BRCC3: variants seen among roughly 807,000 people sequenced by gnomAD.
BRCC3 encodes BRCA1/BRCA2-containing complex subunit 3, also known as lys-63-specific deubiquitinase BRCC36.
Under a neutral mutation model 28.0 loss-of-function variants are expected in BRCC3, and 15 were observed. The ratio of observed to expected loss-of-function variants is 0.54; its 90% confidence interval spans 0.36 to 0.82. The LOEUF is 0.82. Among genes scored for constraint, BRCC3 ranks in the 40% least tolerant of loss-of-function variants. The pLI, the probability that BRCC3 is intolerant of heterozygous loss-of-function variation, is 0.01. For missense variants in BRCC3, 109 were observed against 225.9 expected (o/e 0.48, Z 3.32); for synonymous variants, 66 against 80.3 (o/e 0.82, Z 0.95).
At chrX:155,107,326 T>A (rs991303914) in intron 7 of BRCC3, among the ~76,000 whole-genome samples, 21 of 110,662 alleles carry the variant, frequency 1.9e-4, no homozygotes, top group Non-Finnish European at 3.6e-4. Context: ...ATTTATTTTT[T>A]TTTTTAAAAG....
At position 155,107,466 on chromosome X, in the gene BRCC3, C is replaced by T. The variant is rs782752224; in HGVS notation, c.549-8591C>T. Reference sequence around the variant, plus strand: ...CAAACCTGCAGCCCTTCATGGTTTGCTTATTTCTCCAGCCATGTTCTCTCT... The same window carrying T: ...CAAACCTGCAGCCCTTCATGGTTTGTTTATTTCTCCAGCCATGTTCTCTCT... On this transcript the variant is annotated intron_variant, in intron 7 of 10. Transcript: ENST00000330045. 3.5e-3 allele frequency among the ~76,000 whole-genome samples: 385 copies of T among 110,378 alleles called. 2 individuals are homozygous for T. The highest frequency in any genetic ancestry group is 5.9e-3 in the Non-Finnish European group (311 of 52,663).
chrX:155,086,437 G>A (rs782001198), intron 5 of BRCC3, among the ~76,000 whole-genome samples: 31 of 111,496 alleles, frequency 2.8e-4, no homozygotes, highest in African/African-American at 8.5e-4. Flanking sequence ...TGCAACCGCC[G>A]TCTCCTGGGC....
intron 1 of BRCC3, 29 bp from the exon 2 acceptor site, chrX:155,072,298 A>G (rs1418721098): frequency 4.2e-6 from 5 of 1,181,022 alleles, no homozygotes; most frequent in Non-Finnish European, 5.8e-6. Context: ...AATGTGATCA[A>G]TAATGTTTTT....
chrX:155,078,571 C>G (rs369870613), intron 4 of BRCC3, 45 bp from the exon 5 acceptor site: 34 of 960,784 alleles, frequency 3.5e-5, no homozygotes, highest in Middle Eastern at 3.1e-4. Flanking sequence ...TTATTAGCAT[C>G]ATAAATTTTG....
At chrX:155,119,879 T>A in intron 9 of BRCC3, 120 bp from the exon 10 acceptor site, 2 of 577,922 alleles carry the variant, frequency 3.5e-6, no homozygotes, top group East Asian at 3.7e-5. Flanking sequence ...TTTTTCTACT[T>A]CCTTCTCCAA....
intron 1 of BRCC3, 59 bp downstream of exon 1, chrX:155,071,709 G>T (rs2124223179): frequency 8.6e-7 from 1 of 1,156,997 alleles, no homozygotes; most frequent in East Asian, 3.2e-5. Context: ...GTGTCCCCGG[G>T]GTGGGTGCCG....
intron 7 of BRCC3, among the ~76,000 whole-genome samples, chrX:155,093,976 CTTT>C (rs1263872387): frequency 9.0e-6 from 1 of 111,353 alleles, no homozygotes; most frequent in Non-Finnish European, 1.9e-5. Flanking sequence ...TCACAGCATC[CTTT>C]TTTATTTTAT....
intron 7 of BRCC3, among the ~76,000 whole-genome samples, chrX:155,099,636 A>C (rs1557296673): frequency 1.8e-5 from 2 of 112,200 alleles, no homozygotes; most frequent in East Asian, 2.8e-4. Context: ...GGCAGCCAGC[A>C]ATCTCTGCCA....
rs1012169225 is a variant in BRCC3, at chrX:155,108,435, C to T, written c.549-7622C>T. On this transcript the variant is annotated intron_variant, in intron 7 of 10. Transcript: ENST00000330045. Reference sequence around the variant, plus strand: ...TTGCCCATGTGAATGCATATCTTTTCAGTATGTACACAGAAGTGGAATTGC... The same window carrying T: ...TTGCCCATGTGAATGCATATCTTTTTAGTATGTACACAGAAGTGGAATTGC... 2.7e-5 allele frequency among the ~76,000 whole-genome samples: 3 copies of T among 112,355 alleles called. No individual in the cohort carries two copies. In the East Asian group the frequency reaches 8.3e-4, roughly 31 times the overall value.
At chrX:155,103,683 A>AT (rs1214769739) in intron 7 of BRCC3, among the ~76,000 whole-genome samples, 18 of 110,469 alleles carry the variant, frequency 1.6e-4, no homozygotes, top group African/African-American at 5.3e-4. Context: ...GGATTTATGT[A>AT]TTTTTTTTCA....
intron 3 of BRCC3, among the ~76,000 whole-genome samples, chrX:155,074,635 C>G (rs1282237018): frequency 4.5e-5 from 5 of 112,182 alleles, no homozygotes; most frequent in African/African-American, 1.6e-4. Flanking sequence ...CCCTGGGCAT[C>G]AGTTACTAAG....
In BRCC3 at chrX:155,106,067, T is replaced by G. The variant is rs782811384; in HGVS notation, c.549-9990T>G. 1.5e-4 allele frequency among the ~76,000 whole-genome samples: 17 copies of G among 112,288 alleles called. 1 individual carries two copies. In the South Asian group the frequency reaches 6.2e-3, roughly 41 times the overall value. The stretch of plus-strand genomic sequence containing the variant: ...TGTCTAGCTCCAGATAAAAACTTTT[T>G]GATATTTCTATTGAGATTGTGTTAA... On this transcript the variant is annotated intron_variant, in intron 7 of 10. Transcript: ENST00000330045.
intron 8 of BRCC3, among the ~76,000 whole-genome samples, 155 bp downstream of exon 8, chrX:155,116,343 C>T (rs1235585391): frequency 3.6e-5 from 4 of 111,840 alleles, no homozygotes; most frequent in East Asian, 2.8e-4. Flanking sequence ...ATGTTTCTCA[C>T]GTTGTATGAT....
At position 155,073,810 on chromosome X, in the gene BRCC3, G is replaced by A. The variant is rs193229375; in HGVS notation, c.195+379G>A. ...CCCTCTCTTCTTAAACAGGCAAACTGACCATAGCATCATAGTTCTTAGTCT... is the reference window on the plus strand; with the variant it reads ...CCCTCTCTTCTTAAACAGGCAAACTAACCATAGCATCATAGTTCTTAGTCT... On this transcript the variant is annotated intron_variant, in intron 3 of 10. Coordinates refer to ENST00000330045, the MANE Select transcript of BRCC3 (RefSeq NM_001018055.3). 2.1e-3 allele frequency among the ~76,000 whole-genome samples: 228 copies of A among 110,802 alleles called. 2 individuals are homozygous for A. The highest frequency in any genetic ancestry group is 2.8e-3 in the Non-Finnish European group (150 of 52,938).
chrX:155,087,483 C>T (rs2074140606), intron 5 of BRCC3, among the ~76,000 whole-genome samples: 1 of 111,911 alleles, frequency 8.9e-6, no homozygotes. Context: ...AACTGTCAGA[C>T]GGCAACTTAG....
At chrX:155,115,157 A>T (rs1269554331) in intron 7 of BRCC3, among the ~76,000 whole-genome samples, 1 of 112,190 alleles carries the variant, frequency 8.9e-6, no homozygotes, top group Non-Finnish European at 1.9e-5. Context: ...AAGCAGGCAG[A>T]ATTAATCTGG....
At chrX:155,119,149 A>C (rs2074374901) in intron 9 of BRCC3, among the ~76,000 whole-genome samples, 1 of 112,166 alleles carries the variant, frequency 8.9e-6, no homozygotes, top group Admixed American at 9.4e-5. Context: ...GTATAGATTA[A>C]GATAAGATTA....
chrX:155,076,157 T>C (rs1385194211), intron 3 of BRCC3, among the ~76,000 whole-genome samples: 10 of 112,007 alleles, frequency 8.9e-5, no homozygotes, highest in African/African-American at 3.3e-4. Context: ...ATGCCTGTAA[T>C]CCCAGCACTT....
chrX:155,117,641 GTAAT>G (rs1240842031), intron 9 of BRCC3, among the ~76,000 whole-genome samples: 1 of 112,099 alleles, frequency 8.9e-6, no homozygotes, highest in Non-Finnish European at 1.9e-5. Flanking sequence ...TAAAGCCACA[GTAAT>G]TTAAAAAGTA....
Sources: allele counts gnomAD v4.1 joint callset (sites outside exome capture counted in the v4.1 genomes callset), GRCh38; gene constraint gnomAD v4.1.1; transcripts MANE v1.5; gene names NCBI Gene and HGNC (gene_info 2026-07-23, HGNC 2026-07-21).